Variants in ROBO2 observed in about 807,000 individuals in gnomAD.
ROBO2 encodes roundabout homolog 2.
In ROBO2, 53 loss-of-function variants were observed where a neutral mutation model predicts 160.8. The ratio of observed to expected loss-of-function variants is 0.33; its 90% CI spans 0.26 to 0.41. The LOEUF (loss-of-function observed/expected upper bound fraction) is 0.41, where lower values mean the gene tolerates loss of function less well. Among genes scored for constraint, ROBO2 ranks in the 10% least tolerant of loss-of-function variants. ROBO2 has a pLI of 1.00. For synonymous variants in ROBO2, 664 were observed against 611.7 expected (o/e 1.09, Z -1.26); for missense variants, 1,577 against 1,722.4 (o/e 0.92, Z 1.49).
chr3:77,114,764 A>G (rs1016465057), intron 2 of ROBO2, among the ~76,000 whole-genome samples: 1 of 151,812 alleles, frequency 6.6e-6, no homozygotes, highest in Non-Finnish European at 1.5e-5. Context: ...TAATTTTTTT[A>G]AAAAAGCAAA....
intron 2 of ROBO2, among the ~76,000 whole-genome samples, chr3:76,175,323 C>T (rs2073191741): frequency 6.6e-6 from 1 of 151,854 alleles, no homozygotes; most frequent in African/African-American, 2.4e-5. Context: ...GACATGATTG[C>T]AATTTGACTT....
intron 2 of ROBO2, among the ~76,000 whole-genome samples, chr3:76,233,436 G>A (rs1046241542): frequency 2.6e-5 from 4 of 152,134 alleles, no homozygotes. Flanking sequence ...GAGCCACCAC[G>A]CCTGGCCTGC....
intron 2 of ROBO2, among the ~76,000 whole-genome samples, chr3:75,942,301 A>G (rs1407956865): frequency 2.0e-5 from 3 of 152,108 alleles, no homozygotes; most frequent in Admixed American, 6.6e-5. Context: ...ATAATTGAAT[A>G]TTGCTTCGAG....
chr3:77,163,285 A>G (rs2078661384), intron 2 of ROBO2, among the ~76,000 whole-genome samples: 1 of 152,222 alleles, frequency 6.6e-6, no homozygotes, highest in African/African-American at 2.4e-5. Context: ...TGCCATCTAA[A>G]CATGCATCAA....
chr3:76,943,212 T>C (rs1461738266), intron 2 of ROBO2, among the ~76,000 whole-genome samples: 1 of 152,236 alleles, frequency 6.6e-6, no homozygotes, highest in Non-Finnish European at 1.5e-5. Flanking sequence ...CATTGCTTGT[T>C]GAAAGAGCTA....
At chr3:77,096,405 G>A (rs1341108726) in intron 1 of ROBO2, among the ~76,000 whole-genome samples, 1 of 151,076 alleles carries the variant, frequency 6.6e-6, no homozygotes, top group Non-Finnish European at 1.5e-5. Context: ...ATTTGATTGT[G>A]AAATATCAAC....
At chr3:77,420,797 A>C (rs2077642902) in intron 2 of ROBO2, among the ~76,000 whole-genome samples, 1 of 152,154 alleles carries the variant, frequency 6.6e-6, no homozygotes, top group African/African-American at 2.4e-5. Flanking sequence ...GAAGAGACAA[A>C]TTTGGAAAAT....
chr3:77,344,109 G>A (rs999123263), intron 2 of ROBO2, among the ~76,000 whole-genome samples: 12 of 152,222 alleles, frequency 7.9e-5, no homozygotes, highest in East Asian at 5.8e-4. Context: ...GATATAGCAG[G>A]ATGGGCTACC....
chr3:76,533,915 G>C (rs1469201919), intron 2 of ROBO2, among the ~76,000 whole-genome samples: 3 of 152,052 alleles, frequency 2.0e-5, no homozygotes, highest in Non-Finnish European at 4.4e-5. Flanking sequence ...GTGAAGGCAG[G>C]AACTGAGGTT....
At chr3:75,991,175 G>A (rs189857245) in intron 2 of ROBO2, among the ~76,000 whole-genome samples, 2 of 152,242 alleles carry the variant, frequency 1.3e-5, no homozygotes, top group East Asian at 3.9e-4. Context: ...GTGTATGTAT[G>A]TATGTATCCA....
chr3:76,723,685 C>T (rs1248644953), intron 2 of ROBO2, among the ~76,000 whole-genome samples: 1 of 152,184 alleles, frequency 6.6e-6, no homozygotes, highest in Non-Finnish European at 1.5e-5. Flanking sequence ...CATTCATCTC[C>T]ATTCATTAAA....
chr3:76,748,070 A>T (rs2093922142), intron 2 of ROBO2, among the ~76,000 whole-genome samples: 1 of 152,070 alleles, frequency 6.6e-6, no homozygotes, highest in South Asian at 2.1e-4. Flanking sequence ...TGCTAAGGGG[A>T]CTAGTCAAAA....
At chr3:76,481,960 A>G (rs2079232605) in intron 2 of ROBO2, among the ~76,000 whole-genome samples, 1 of 152,118 alleles carries the variant, frequency 6.6e-6, no homozygotes, top group South Asian at 2.1e-4. Flanking sequence ...TGTGACTGTC[A>G]GGATGCCTCA....
intron 2 of ROBO2, among the ~76,000 whole-genome samples, chr3:76,334,131 TAAAGTA>T (rs2073698953): frequency 6.6e-6 from 1 of 152,086 alleles, no homozygotes; most frequent in Non-Finnish European, 1.5e-5. Context: ...CCCTAGAACT[TAAAGTA>T]TAATAAAAAA....
intron 2 of ROBO2, among the ~76,000 whole-genome samples, chr3:76,166,813 G>A (rs1270250008): frequency 1.3e-5 from 2 of 152,128 alleles, no homozygotes; most frequent in African/African-American, 2.4e-5. Context: ...GACTGCCTTA[G>A]CTGACTTCCC....
chr3:76,252,827 G>T, intron 2 of ROBO2, among the ~76,000 whole-genome samples: 1 of 149,844 alleles, frequency 6.7e-6, no homozygotes, highest in South Asian at 2.1e-4. Flanking sequence ...TTTTTTTGAA[G>T]GAATTCACTC....
chr3:76,795,921 A>G (rs1297404573), intron 2 of ROBO2, among the ~76,000 whole-genome samples: 1 of 152,146 alleles, frequency 6.6e-6, no homozygotes, highest in Non-Finnish European at 1.5e-5. Context: ...TGGGTTGCAG[A>G]ATGGATATTG....
At chr3:77,279,887 C>T (rs377496504) in intron 2 of ROBO2, among the ~76,000 whole-genome samples, 7 of 152,130 alleles carry the variant, frequency 4.6e-5, no homozygotes, top group African/African-American at 1.7e-4. Flanking sequence ...CACATACACA[C>T]ACAGACATTA....
intron 2 of ROBO2, among the ~76,000 whole-genome samples, chr3:76,049,397 A>ATTTTTTT (rs1559867112): frequency 1.9e-5 from 1 of 51,810 alleles, no homozygotes; most frequent in African/African-American, 1.5e-4. Flanking sequence ...ATATATATAT[A>ATTTTTTT]TATATATTTT....
Sources: gnomAD v4.1 joint callset for allele counts (sites outside exome capture counted in the v4.1 genomes callset) on GRCh38, gnomAD v4.1.1 for gene constraint, MANE v1.5 for transcripts, NCBI Gene and HGNC (gene_info 2026-07-23, HGNC 2026-07-21) for gene names.